Variants in TRIM8 observed in about 807,000 individuals in gnomAD.
The protein encoded by TRIM8 is E3 ubiquitin-protein ligase TRIM8.
TRIM8 carries 9 observed loss-of-function variants against 55.7 expected under a neutral mutation model. The observed-to-expected ratio is 0.16, with a 90% CI of 0.10 to 0.28. TRIM8 has a LOEUF of 0.28. Among genes scored for constraint, TRIM8 ranks in the 10% least tolerant of loss-of-function variants. The pLI, the probability that TRIM8 is intolerant of heterozygous loss-of-function variation, is 1.00. For synonymous variants in TRIM8, 335 were observed against 333.3 expected (o/e 1.01, Z -0.06); for missense variants, 556 against 736.4 (o/e 0.76, Z 2.83).
At chr10:102,646,458 G>C (rs1395171925) in intron 1 of TRIM8, among the ~76,000 whole-genome samples, 3 of 152,146 alleles carry the variant, frequency 2.0e-5, no homozygotes, top group Non-Finnish European at 4.4e-5. Flanking sequence ...CCTGTGTGGG[G>C]GGACCAGTCA....
rs112124466 is a variant in TRIM8 at position 102,656,303 on chromosome 10, C to G, written c.966C>G (p.Pro322=). The change falls in exon 5 of 6, where the codon CCC becomes CCG. Residue 322 remains proline, a synonymous_variant. Coordinates refer to ENST00000643721, the MANE Select transcript of TRIM8 (RefSeq NM_030912.3). The surrounding 1 kb of genome is among the most constrained non-coding windows in gnomAD (Gnocchi z 4.6). ...TQTCTSSSLS[P]TKIGHLNSKL... ...CCTGCACGAGCAGCAGCCTTTCCCC[C>G]ACTAAGATCGGCCACCTGAACTCCA... The G allele has an allele frequency of 1.9e-6, 3 of 1,614,094 alleles. No individual in the cohort carries two copies. Among genetic ancestry groups the G allele is most frequent in the Admixed American group, 1.7e-5 (1 of 60,006 alleles).
Position 102,645,383 on chromosome 10 carries a change from T to A in TRIM8, c.570+196T>A, listed in dbSNP as rs2063925829. The A allele has an allele frequency of 5.4e-6, 3 of 560,054 alleles. No individual in the cohort carries two copies. In the East Asian group the frequency reaches 9.7e-5, roughly 18 times the overall value. The allele number at this position is 560,054 out of a possible 1,614,324, so 34.7% of individuals were successfully genotyped here. The stretch of plus-strand genomic sequence containing the variant: ...GGCCCCGGGTCGCTACTTGGTACAT[T>A]CTCGCACCTGTGCGCACAGGGTCCG... On this transcript the variant is annotated intron_variant, in intron 1 of 5. Transcript: ENST00000643721.
chr10:102,650,198 C>T (rs2063972847), intron 1 of TRIM8, among the ~76,000 whole-genome samples: 1 of 152,066 alleles, frequency 6.6e-6, no homozygotes, highest in Non-Finnish European at 1.5e-5. Context: ...GCCCAGAGTC[C>T]CCAAGCCTCA....
chr10:102,653,029 C>A (rs1474616935), intron 1 of TRIM8, among the ~76,000 whole-genome samples: 1 of 152,180 alleles, frequency 6.6e-6, no homozygotes, highest in African/African-American at 2.4e-5. Flanking sequence ...GAACTCCCGA[C>A]CTCAGGTGAT....
chr10:102,655,018 G>C (rs537236117), intron 2 of TRIM8, 62 bp from the exon 3 acceptor site: 33 of 1,565,632 alleles, frequency 2.1e-5, no homozygotes, highest in South Asian at 2.2e-5. Flanking sequence ...GGGTAAGAGG[G>C]GGGGAAACCA....
At chr10:102,645,479 G>T (rs2063926576) in intron 1 of TRIM8, 1 of 300,838 alleles carries the variant, frequency 3.3e-6, no homozygotes, top group Admixed American at 5.0e-5. Flanking sequence ...CTTTTCTGTG[G>T]TGCGCAGCTC....
Position 102,644,938 on chromosome 10 carries a change from C to T in TRIM8, c.321C>T (p.Cys107=). 6.2e-7 allele frequency: 1 copy of T among 1,601,120 alleles called. No individual in the cohort carries two copies. Among genetic ancestry groups the T allele is most frequent in the Non-Finnish European group, 8.5e-7 (1 of 1,174,252 alleles). ...RGPPLPAQKV[C]LRCEAPCCQS... ...CCCCGCTGCCCGCGCAGAAGGTCTG[C>T]CTGCGCTGCGAGGCGCCCTGCTGCC... The change falls in exon 1 of 6, where the codon TGC becomes TGT. Residue 107 remains cysteine, a synonymous_variant. Transcript: ENST00000643721.
rs1356513635 is a variant in TRIM8 at position 102,656,843 on chromosome 10, C to T, written c.1145C>T (p.Ala382Val). 11 of 1,549,132 alleles carry T rather than the reference C, an allele frequency of 7.1e-6. No individual in the cohort carries two copies. The Admixed American group carries it at 1.2e-4, about 17-fold the overall frequency. Residue 382 changes from alanine to valine, a missense_variant, in exon 6 of 6, where the codon GCC becomes GTC. Physicochemically the swap from Ala to Val is moderately conservative, Grantham distance 64. Coordinates refer to ENST00000643721, the MANE Select transcript of TRIM8 (RefSeq NM_030912.3). This position sits in a 1 kb window ranked among gnomAD's most constrained non-coding sequence, Gnocchi z 4.6. ...GCGGAAAAGCGCAAGCACTCAACGG[C>T]CTTCCCAGAGGCCAGTTTCCTAGAG... ...SGAEKRKHSTAFPEASFLETS... is the reference protein window; with the variant it reads ...SGAEKRKHSTVFPEASFLETS...
At chr10:102,649,832 A>T (rs1210255872) in intron 1 of TRIM8, among the ~76,000 whole-genome samples, 1 of 152,128 alleles carries the variant, frequency 6.6e-6, no homozygotes, top group East Asian at 1.9e-4. Context: ...GGTTTAGGGC[A>T]GGCAGAAGCT....
chr10:102,654,910 G>T (rs1339390834), intron 2 of TRIM8, 162 bp downstream of exon 2: 2 of 926,668 alleles, frequency 2.2e-6, no homozygotes, highest in South Asian at 1.4e-5. Flanking sequence ...GGGGATGCTG[G>T]CCCAGAGCCC....
rs374618166 is a variant in TRIM8 at position 102,652,535 on chromosome 10, T to G, written c.571-2118T>G. Among the ~76,000 whole-genome samples, 93 of 152,282 alleles carry G rather than the reference T, an allele frequency of 6.1e-4. No homozygotes were observed. The East Asian group carries it at 0.014, about 22-fold the overall frequency. On this transcript the variant is annotated intron_variant, in intron 1 of 5. Transcript: ENST00000643721. ...CCATGGGCTTATTGAGTGAATTTGT[T>G]ATGCATCTCAGGCCGCCCAGGCCTT...
Position 102,644,600 on chromosome 10 carries a change from C to G in TRIM8, c.-18C>G. ...GGGAGTCGGGGAGGCCTGCCCCGGC[C>G]CCCTGCCCGCGGCCGCCATGGCGGA... On this transcript the variant is annotated 5_prime_UTR_variant, in exon 1 of 6. Transcript: ENST00000643721. The G allele has an allele frequency of 1.9e-6, 3 of 1,608,378 alleles. No homozygotes were observed. The highest frequency in any genetic ancestry group is 2.2e-5 in the South Asian group (2 of 90,648).
At chr10:102,649,729 C>G (rs1590105886) in intron 1 of TRIM8, among the ~76,000 whole-genome samples, 1 of 152,360 alleles carries the variant, frequency 6.6e-6, no homozygotes, top group African/African-American at 2.4e-5. Context: ...GGCGCCTGCC[C>G]TGGAGCCCCT....
intron 1 of TRIM8, among the ~76,000 whole-genome samples, chr10:102,652,020 C>T (rs1052519586): frequency 1.2e-4 from 19 of 152,184 alleles, no homozygotes; most frequent in Admixed American, 1.0e-3. Flanking sequence ...TGTGTGCTGT[C>T]GGGCTCTGAC....
In TRIM8 at chr10:102,656,021, G is replaced by T. The variant is rs574656878; in HGVS notation, c.901-85G>T. The T allele has an allele frequency of 1.5e-4, 235 of 1,604,262 alleles. No individual in the cohort carries two copies. Among genetic ancestry groups the T allele is most frequent in the African/African-American group, 1.4e-3 (106 of 74,786 alleles). On this transcript the variant is annotated intron_variant, in intron 3 of 5. Transcript: ENST00000643721. The surrounding 1 kb of genome is among the most constrained non-coding windows in gnomAD (Gnocchi z 4.6). ...TCCACCCAGCCTGGGGGAGGCTCAG[G>T]GGGGGCAGCTTTTGTCTTCCCCTCT...
At chr10:102,651,502 G>T (rs1057418804) in intron 1 of TRIM8, among the ~76,000 whole-genome samples, 2 of 152,236 alleles carry the variant, frequency 1.3e-5, no homozygotes. Flanking sequence ...TGGGACCTTG[G>T]AGCTGCCTCT....
Position 102,657,360 on chromosome 10 carries a change from C to G in TRIM8, c.*6C>G, listed in dbSNP as rs572174183. 1.9e-6 allele frequency: 3 copies of G among 1,549,296 alleles called. No individual in the cohort carries two copies. The highest frequency in any genetic ancestry group is 4.5e-5 in the East Asian group (2 of 43,978). On this transcript the variant is annotated 3_prime_UTR_variant, in exon 6 of 6. Transcript: ENST00000643721. The stretch of plus-strand genomic sequence containing the variant: ...AACACTACGTGACGAGCTAACGCCA[C>G]GCAGGCGGCGGGGCGCTGGGGAATC...
intron 1 of TRIM8, 32 bp from the exon 2 acceptor site, chr10:102,654,621 C>T: frequency 1.3e-6 from 2 of 1,544,444 alleles, no homozygotes; most frequent in Non-Finnish European, 1.8e-6. Flanking sequence ...AGCCACAGTC[C>T]CTCTGATACT....
chr10:102,646,887 C>A (rs1391402031), intron 1 of TRIM8, among the ~76,000 whole-genome samples: 2 of 152,174 alleles, frequency 1.3e-5, no homozygotes, highest in Admixed American at 6.5e-5. Context: ...GCAACCTGGG[C>A]GATGGGCGGA....
Sources: allele counts gnomAD v4.1 joint callset (sites outside exome capture counted in the v4.1 genomes callset), GRCh38; gene constraint gnomAD v4.1.1; non-coding constraint Gnocchi (gnomAD v3.1); transcripts MANE v1.5; gene names NCBI Gene and HGNC (gene_info 2026-07-23, HGNC 2026-07-21).